The following ZBTB20 variants were observed in gnomAD, a reference collection of about 807,000 sequenced individuals.
The protein encoded by ZBTB20 is zinc finger and BTB domain containing 20.
In ZBTB20, 9 loss-of-function variants were observed where a neutral mutation model predicts 56.9. The ratio of observed to expected loss-of-function variants is 0.16; its 90% CI spans 0.10 to 0.28. The LOEUF (loss-of-function observed/expected upper bound fraction) is 0.28. Ranked by LOEUF, ZBTB20 falls within the 10% of genes least tolerant of loss-of-function variation. The pLI, the probability that ZBTB20 is intolerant of heterozygous loss-of-function variation, is 1.00. For synonymous variants in ZBTB20, 417 were observed against 420.7 expected, an observed-to-expected ratio of 0.99 and a Z score of 0.11; for missense variants, 655 against 1,003.0, an observed-to-expected ratio of 0.65 and a Z score of 4.69.
At chr3:114,784,524 A>G (rs148431535) in intron 5 of ZBTB20, among the ~76,000 whole-genome samples, 2 of 152,346 alleles carry the variant, frequency 1.3e-5, no homozygotes, top group Non-Finnish European at 2.9e-5. Context: ...TGTCCTCAAG[A>G]TACACAGCAT....
intron 2 of ZBTB20, among the ~76,000 whole-genome samples, chr3:115,006,945 C>T (rs1011181276): frequency 1.3e-4 from 19 of 151,562 alleles, no homozygotes; most frequent in African/African-American, 4.1e-4. Context: ...AAAAAAAACT[C>T]GAGGTAACTT....
At chr3:114,394,091 T>G (rs190034942) in intron 7 of ZBTB20, among the ~76,000 whole-genome samples, 21 of 152,332 alleles carry the variant, frequency 1.4e-4, no homozygotes, top group African/African-American at 5.1e-4. Context: ...AAGGTAATAG[T>G]AACAATAACA....
intron 1 of ZBTB20, among the ~76,000 whole-genome samples, chr3:115,118,556 G>A (rs995401968): frequency 6.6e-6 from 1 of 151,836 alleles, no homozygotes; most frequent in South Asian, 2.1e-4. Flanking sequence ...TAAAAAAAAA[G>A]TCCTCACCAG....
chr3:114,525,168 G>A (rs1305454710), intron 6 of ZBTB20, among the ~76,000 whole-genome samples: 1 of 151,856 alleles, frequency 6.6e-6, no homozygotes, highest in Non-Finnish European at 1.5e-5. Flanking sequence ...TTTGTTGGGG[G>A]GGGTGTCTAT....
chr3:114,395,662 G>A (rs997556034), intron 7 of ZBTB20, among the ~76,000 whole-genome samples: 17 of 152,070 alleles, frequency 1.1e-4, no homozygotes, highest in Non-Finnish European at 5.9e-5. Context: ...AACTAATCAG[G>A]AACACCATCG....
chr3:114,577,666 C>G (rs1018061353), intron 6 of ZBTB20, among the ~76,000 whole-genome samples: 1 of 152,128 alleles, frequency 6.6e-6, no homozygotes, highest in Non-Finnish European at 1.5e-5. Flanking sequence ...AATGGTGGAC[C>G]TGAACCTGGC....
intron 4 of ZBTB20, among the ~76,000 whole-genome samples, chr3:114,828,468 A>G (rs2073669100): frequency 6.6e-6 from 1 of 151,856 alleles, no homozygotes; most frequent in Non-Finnish European, 1.5e-5. Context: ...CGTTTTTAAG[A>G]GAAAATGAAA....
At chr3:114,500,139 A>G (rs1559875903) in intron 7 of ZBTB20, among the ~76,000 whole-genome samples, 1 of 152,222 alleles carries the variant, frequency 6.6e-6, no homozygotes, top group Non-Finnish European at 1.5e-5. Context: ...ATAGAAGTAC[A>G]GTATCTGGGC....
chr3:114,393,421 G>A (rs928681586), intron 7 of ZBTB20, among the ~76,000 whole-genome samples: 3 of 152,050 alleles, frequency 2.0e-5, no homozygotes, highest in Admixed American at 2.0e-4. Context: ...TACAACCATA[G>A]TATGTCTGTC....
At chr3:114,991,048 A>G (rs2108150919) in intron 2 of ZBTB20, among the ~76,000 whole-genome samples, 1 of 152,228 alleles carries the variant, frequency 6.6e-6, no homozygotes, top group East Asian at 1.9e-4. Flanking sequence ...GATCTTTTCA[A>G]AAAACCAGCT....
intron 6 of ZBTB20, among the ~76,000 whole-genome samples, chr3:114,617,095 C>T (rs1168183848): frequency 6.6e-6 from 1 of 152,190 alleles, no homozygotes; most frequent in African/African-American, 2.4e-5. Context: ...CTCTACCCTG[C>T]TGACAGGGTG....
At chr3:115,073,280 C>T (rs964637300) in intron 1 of ZBTB20, among the ~76,000 whole-genome samples, 4 of 152,148 alleles carry the variant, frequency 2.6e-5, no homozygotes, top group African/African-American at 7.2e-5. Flanking sequence ...ATGTATTCAA[C>T]TTGTTTGTTC....
intron 4 of ZBTB20, among the ~76,000 whole-genome samples, chr3:114,855,358 C>T (rs768113541): frequency 3.1e-4 from 47 of 152,094 alleles, no homozygotes; most frequent in Non-Finnish European, 5.4e-4. Flanking sequence ...TCCCATGTTA[C>T]CAGGAAAAAC....
At chr3:114,781,256 G>C (rs1392901762) in intron 5 of ZBTB20, among the ~76,000 whole-genome samples, 2 of 152,008 alleles carry the variant, frequency 1.3e-5, no homozygotes, top group Non-Finnish European at 2.9e-5. Flanking sequence ...AGTAAAATTA[G>C]GATAACAACA....
At chr3:114,845,111 T>A (rs1294763464) in intron 4 of ZBTB20, among the ~76,000 whole-genome samples, 1 of 151,966 alleles carries the variant, frequency 6.6e-6, no homozygotes, top group Non-Finnish European at 1.5e-5. Flanking sequence ...GGGTCATTCA[T>A]AAATGAATTG....
chr3:114,992,215 T>C (rs2078845690), intron 2 of ZBTB20, among the ~76,000 whole-genome samples: 1 of 152,070 alleles, frequency 6.6e-6, no homozygotes, highest in Non-Finnish European at 1.5e-5. Flanking sequence ...GATGTGAAAG[T>C]GCAAGAGTAA....
At chr3:115,074,512 T>C (rs969512621) in intron 1 of ZBTB20, among the ~76,000 whole-genome samples, 42 of 152,264 alleles carry the variant, frequency 2.8e-4, no homozygotes, top group Admixed American at 2.4e-3. Flanking sequence ...TCCCAACTCA[T>C]TGAAAAGTAA....
In ZBTB20 at chr3:114,948,636, CATAG is replaced by C. The variant is rs370859544; in HGVS notation, c.-456+25726_-456+25729del. ...TCTGACTCTCTCTCTCTCTCTGTGT[CATAG>C]ATAGATAGATAGATAGATATGAATT... On this transcript the variant is annotated intron_variant, in intron 3 of 11. Coordinates refer to ENST00000675478, the MANE Select transcript of ZBTB20 (RefSeq NM_001348800.3). 5.6e-3 allele frequency among the ~76,000 whole-genome samples: 803 copies of C among 144,664 alleles called. 97 individuals carry two copies. Among genetic ancestry groups the C allele is most frequent in the African/African-American group, 0.016 (561 of 35,136 alleles). 94.9% of individuals were successfully genotyped at this position (144,664 alleles called of 152,430 possible). A position where few individuals can be genotyped will look rare whatever the true frequency, so the allele number is the denominator to read the frequency against.
intron 7 of ZBTB20, among the ~76,000 whole-genome samples, chr3:114,424,930 C>CT (rs2089516879): frequency 6.6e-6 from 1 of 152,002 alleles, no homozygotes; most frequent in East Asian, 1.9e-4. Context: ...TTCTTTCTTT[C>CT]TTTTTTTAAA....
Sources: allele counts gnomAD v4.1 joint callset (sites outside exome capture counted in the v4.1 genomes callset), GRCh38; gene constraint gnomAD v4.1.1; transcripts MANE v1.5; gene names NCBI Gene and HGNC (gene_info 2026-07-23, HGNC 2026-07-21).